JAK1: variants seen among roughly 807,000 people sequenced by gnomAD.
JAK1 encodes the protein tyrosine-protein kinase JAK1.
JAK1 carries 16 observed loss-of-function variants against 136.6 expected under a neutral mutation model. The ratio of observed to expected loss-of-function variants is 0.12; its 90% CI spans 0.08 to 0.18. The LOEUF is 0.18. Ranked by LOEUF, JAK1 falls within the 10% of genes least tolerant of loss-of-function variation. The pLI is 1.00. For synonymous variants in JAK1, 492 were observed against 519.5 expected, an observed-to-expected ratio of 0.95 and a Z score of 0.72; for missense variants, 859 against 1,450.1, an observed-to-expected ratio of 0.59 and a Z score of 6.62.
intron 2 of JAK1, chr1:64,985,275 A>T (rs1298091839): frequency 1.9e-6 from 3 of 1,609,016 alleles, no homozygotes; most frequent in Middle Eastern, 1.7e-4. Flanking sequence ...CTGGAGCATG[A>T]TGGAAATGAT....
At chr1:64,979,182 G>A (rs1045528700) in intron 2 of JAK1, among the ~76,000 whole-genome samples, 1 of 152,118 alleles carries the variant, frequency 6.6e-6, no homozygotes, top group Non-Finnish European at 1.5e-5. Flanking sequence ...GATCACTTGA[G>A]GAGTTTAAGA....
At chr1:65,063,147 G>A (rs1160350639) in intron 1 of JAK1, among the ~76,000 whole-genome samples, 1 of 152,168 alleles carries the variant, frequency 6.6e-6, no homozygotes, top group East Asian at 1.9e-4. Flanking sequence ...GATTTGGTGG[G>A]GAGGGGGACA....
At chr1:64,879,472 C>G (rs997217797) in intron 3 of JAK1, among the ~76,000 whole-genome samples, 7 of 152,108 alleles carry the variant, frequency 4.6e-5, no homozygotes, top group African/African-American at 1.7e-4. Flanking sequence ...CAAAAAAACC[C>G]CTATCTGAGA....
intron 2 of JAK1, chr1:64,985,730 C>A (rs1159161896): frequency 1.0e-5 from 7 of 685,574 alleles, no homozygotes; most frequent in Non-Finnish European, 1.6e-5. Flanking sequence ...CCAAGTAGGC[C>A]AGGATCAGTA....
chr1:64,914,207 T>C (rs1205689447), intron 1 of JAK1, among the ~76,000 whole-genome samples: 4 of 152,182 alleles, frequency 2.6e-5, no homozygotes, highest in Admixed American at 6.5e-5. Flanking sequence ...AACCAAACAC[T>C]ATGAATCCCC....
At chr1:65,014,541 G>A (rs941923242) in intron 2 of JAK1, among the ~76,000 whole-genome samples, 10 of 152,096 alleles carry the variant, frequency 6.6e-5, no homozygotes, top group African/African-American at 2.4e-4. Context: ...AAAATTTGAG[G>A]TCAGGGAAAG....
intron 1 of JAK1, among the ~76,000 whole-genome samples, chr1:64,913,706 AG>A (rs1557686846): frequency 2.0e-3 from 24 of 11,840 alleles, no homozygotes; most frequent in African/African-American, 6.2e-3. Flanking sequence ...GAAGGAAAGA[AG>A]GGAGGGAGGG....
chr1:64,848,431 G>A (rs561162595), intron 12 of JAK1, among the ~76,000 whole-genome samples: 1 of 152,320 alleles, frequency 6.6e-6, no homozygotes, highest in African/African-American at 2.4e-5. Flanking sequence ...AAGTACACCT[G>A]CATTTGCCCT....
intron 2 of JAK1, among the ~76,000 whole-genome samples, chr1:65,011,716 T>C (rs1441080043): frequency 2.0e-5 from 3 of 152,092 alleles, no homozygotes; most frequent in Non-Finnish European, 4.4e-5. Context: ...GGAGCAAGGG[T>C]AGGACATTGA....
intron 2 of JAK1, among the ~76,000 whole-genome samples, chr1:65,041,365 T>C (rs1647131133): frequency 6.6e-6 from 1 of 152,172 alleles, no homozygotes; most frequent in Non-Finnish European, 1.5e-5. Context: ...TACACAAAGA[T>C]GGAGTTTTAG....
At chr1:65,047,192 T>C (rs1270280762) in intron 1 of JAK1, among the ~76,000 whole-genome samples, 1 of 152,096 alleles carries the variant, frequency 6.6e-6, no homozygotes, top group Admixed American at 6.6e-5. Flanking sequence ...AAAAATTTTT[T>C]TTGTTTCATT....
chr1:64,836,276 C>G (rs1654472673), intron 22 of JAK1, 61 bp from the exon 23 acceptor site: 3 of 921,838 alleles, frequency 3.3e-6, no homozygotes, highest in Non-Finnish European at 5.3e-6. Context: ...TCCGACATTA[C>G]AGGATAACTG....
chr1:65,029,148 G>C (rs1647002632), intron 2 of JAK1, among the ~76,000 whole-genome samples: 1 of 151,868 alleles, frequency 6.6e-6, no homozygotes, highest in Non-Finnish European at 1.5e-5. Context: ...CCAGGCTAGA[G>C]GGCAGTGGCA....
At chr1:65,031,155 CAAAAAAAAAAAAAA>C (rs375856684) in intron 2 of JAK1, among the ~76,000 whole-genome samples, 1 of 68,282 alleles carries the variant, frequency 1.5e-5, no homozygotes, top group Non-Finnish European at 3.0e-5. Context: ...GACCCTATCT[CAAAAAAAAAAAAAA>C]AAAAAAAGGA....
intron 2 of JAK1, among the ~76,000 whole-genome samples, chr1:65,000,390 A>G (rs1262435254): frequency 6.6e-6 from 1 of 151,542 alleles, no homozygotes; most frequent in East Asian, 1.9e-4. Context: ...GTAATCCCAG[A>G]TACTTGGGAG....
In JAK1 at chr1:64,984,993, C is replaced by T; in HGVS notation, c.-78+59487G>A. The T allele has an allele frequency of 2.3e-6, 2 of 873,968 alleles. No individual in the cohort carries two copies. Among genetic ancestry groups the T allele is most frequent in the Non-Finnish European group, 3.9e-6 (2 of 508,462 alleles). The allele number at this position is 873,968 out of a possible 1,614,324, so 54.1% of individuals were successfully genotyped here. On this transcript the variant is annotated intron_variant, in intron 2 of 25. Transcript: ENST00000671954. The surrounding 1 kb of genome is among the most constrained non-coding windows in gnomAD (Gnocchi z 4.1). ...GAAGACCACAAAGACCAAGATAGCCCCAATACAGACAAAGCTTATCCCATT... is the reference window on the plus strand; with the variant it reads ...GAAGACCACAAAGACCAAGATAGCCTCAATACAGACAAAGCTTATCCCATT...
Position 65,002,174 on chromosome 1 carries a change from T to A in JAK1, c.-78+42306A>T, listed in dbSNP as rs143553950. ...ACACGTATATACGTATGTTTGTGTGTATATACGTATGTGTATATATGCACA... is the reference window on the plus strand; with the variant it reads ...ACACGTATATACGTATGTTTGTGTGAATATACGTATGTGTATATATGCACA... On this transcript the variant is annotated intron_variant, in intron 2 of 25. Transcript: ENST00000671954. Among the ~76,000 whole-genome samples, 955 of 152,364 alleles carry A rather than the reference T, an allele frequency of 6.3e-3. 7 individuals are homozygous for A. Among genetic ancestry groups the A allele is most frequent in the Non-Finnish European group, 9.9e-3 (671 of 68,040 alleles).
At position 64,860,239 on chromosome 1, in the gene JAK1, C is replaced by T. The variant is rs760476157; in HGVS notation, c.1200G>A (p.Glu400=). 22 of 1,606,154 alleles carry T rather than the reference C, an allele frequency of 1.4e-5. No homozygotes were observed. The highest frequency in any genetic ancestry group is 2.2e-5 in the South Asian group (2 of 90,180). ...CCAGGGACACAAAGGACAAGGCCTCCTCGTGGGAAGAGAGCTTCAGTTCCT... is the reference window on the plus strand; with the variant it reads ...CCAGGGACACAAAGGACAAGGCCTCTTCGTGGGAAGAGAGCTTCAGTTCCT... ...KKMELKLSSH[E]EALSFVSLVD... Residue 400 remains glutamate, a synonymous_variant, in exon 9 of 25, where the codon GAG becomes GAA. Transcript: ENST00000342505.
intron 5 of JAK1, 113 bp from the exon 6 acceptor site, chr1:64,869,587 G>A (rs1656946797): frequency 1.3e-6 from 1 of 788,550 alleles, no homozygotes; most frequent in African/African-American, 1.7e-5. Flanking sequence ...AGACGAATCA[G>A]ATTGGCAGTT....
Sources: allele counts gnomAD v4.1 joint callset (sites outside exome capture counted in the v4.1 genomes callset), GRCh38; gene constraint gnomAD v4.1.1; non-coding constraint Gnocchi (gnomAD v3.1); transcripts MANE v1.5; gene names NCBI Gene and HGNC (gene_info 2026-07-23, HGNC 2026-07-21).